GHR: variants seen among roughly 807,000 people sequenced by gnomAD.
GHR encodes the protein GH receptor.
A neutral mutation model predicts 67.1 loss-of-function variants in GHR; 35 were observed. The observed-to-expected ratio is 0.52, with a 90% CI of 0.40 to 0.69. The LOEUF (loss-of-function observed/expected upper bound fraction) is 0.69, where lower values mean the gene tolerates loss of function less well. GHR is among the 30% of genes least tolerant of loss of function. The pLI is 0.00. For synonymous variants in GHR, 272 were observed against 269.1 expected, an observed-to-expected ratio of 1.01 and a Z score of -0.10; for missense variants, 792 against 764.6, an observed-to-expected ratio of 1.04 and a Z score of -0.42.
chr5:42,553,127 T>TA (rs1287186638), intron 1 of GHR, among the ~76,000 whole-genome samples: 3 of 152,210 alleles, frequency 2.0e-5, no homozygotes, highest in African/African-American at 7.2e-5. Context: ...TTCCATAACA[T>TA]ATTACCACAA....
At chr5:42,576,046 T>TTAA (rs1554021367) in intron 2 of GHR, among the ~76,000 whole-genome samples, 1 of 55,892 alleles carries the variant, frequency 1.8e-5, no homozygotes, top group African/African-American at 6.8e-5. Flanking sequence ...AAAATTAAAA[T>TTAA]AATAAAATAA....
chr5:42,641,475 G>T (rs1380028864), intron 3 of GHR, among the ~76,000 whole-genome samples: 1 of 152,104 alleles, frequency 6.6e-6, no homozygotes, highest in Non-Finnish European at 1.5e-5. Flanking sequence ...CTAATGGTTA[G>T]GTGTCCAGGC....
intron 3 of GHR, among the ~76,000 whole-genome samples, chr5:42,662,302 A>G (rs1755684915): frequency 6.6e-6 from 1 of 152,060 alleles, no homozygotes; most frequent in Admixed American, 6.5e-5. Context: ...CAGAATATAC[A>G]TTTTTTTCAG....
intron 1 of GHR, among the ~76,000 whole-genome samples, chr5:42,446,404 T>C (rs1743806868): frequency 6.6e-6 from 1 of 152,172 alleles, no homozygotes; most frequent in African/African-American, 2.4e-5. Flanking sequence ...AGGGAAATGG[T>C]AAGTACTTTA....
chr5:42,463,992 C>CA (rs70991406), intron 1 of GHR, among the ~76,000 whole-genome samples: 853 of 46,356 alleles, frequency 0.018, 24 homozygotes, highest in Middle Eastern at 0.062. Context: ...GACTCCGTCT[C>CA]AAAAAAAAAA....
intron 2 of GHR, among the ~76,000 whole-genome samples, chr5:42,603,497 T>C (rs1485172831): frequency 6.6e-6 from 1 of 152,240 alleles, no homozygotes; most frequent in Non-Finnish European, 1.5e-5. Flanking sequence ...CACTTGATGT[T>C]ATTCCAAAAT....
At chr5:42,589,074 G>T (rs1486148773) in intron 2 of GHR, among the ~76,000 whole-genome samples, 5 of 152,180 alleles carry the variant, frequency 3.3e-5, no homozygotes. Context: ...TCTTAGTGAA[G>T]CCATGTTGAC....
chr5:42,589,246 A>T (rs1023784744), intron 2 of GHR, among the ~76,000 whole-genome samples: 1 of 152,212 alleles, frequency 6.6e-6, no homozygotes, highest in Non-Finnish European at 1.5e-5. Flanking sequence ...AAATCCAAAG[A>T]AATAACCATT....
At chr5:42,483,621 T>G (rs1745753634) in intron 1 of GHR, among the ~76,000 whole-genome samples, 1 of 152,206 alleles carries the variant, frequency 6.6e-6, no homozygotes, top group African/African-American at 2.4e-5. Context: ...AAATGATACC[T>G]AGTTAACACG....
At chr5:42,656,504 CT>C (rs1340705152) in intron 3 of GHR, among the ~76,000 whole-genome samples, 1 of 152,100 alleles carries the variant, frequency 6.6e-6, no homozygotes, top group Non-Finnish European at 1.5e-5. Context: ...TAAAGCCTAT[CT>C]TTGCACTCCT....
intron 1 of GHR, among the ~76,000 whole-genome samples, chr5:42,513,466 T>C (rs1014835731): frequency 9.2e-5 from 14 of 152,146 alleles, no homozygotes; most frequent in African/African-American, 3.1e-4. Context: ...ATATGTCACA[T>C]TGGTTATTTC....
Position 42,639,095 on chromosome 5 carries a change from T to A in GHR, c.136+9992T>A, listed in dbSNP as rs371124279. On this transcript the variant is annotated intron_variant, in intron 3 of 9. Coordinates refer to ENST00000230882, the MANE Select transcript of GHR (RefSeq NM_000163.5). Reference sequence around the variant, plus strand: ...CTCCATCCAATGAAGACTGAACACCTGTAAATGCTTGGTGATGGATGGAAA... The same window carrying A: ...CTCCATCCAATGAAGACTGAACACCAGTAAATGCTTGGTGATGGATGGAAA... Among the ~76,000 whole-genome samples the A allele has an allele frequency of 2.0e-4, 30 of 152,304 alleles. No individual in the cohort carries two copies. The South Asian group carries it at 6.0e-3, about 31-fold the overall frequency.
chr5:42,548,470 G>A (rs1287220923), intron 1 of GHR: 2 of 984,900 alleles, frequency 2.0e-6, no homozygotes, highest in Admixed American at 6.2e-5. Flanking sequence ...TTGATATAAA[G>A]CCTGGAGGAA....
intron 1 of GHR, among the ~76,000 whole-genome samples, chr5:42,499,783 T>G (rs1285013580): frequency 6.6e-6 from 1 of 152,158 alleles, no homozygotes; most frequent in Non-Finnish European, 1.5e-5. Context: ...AATCTTTTTT[T>G]GAGAAGGAGA....
At chr5:42,545,921 C>G (rs1039905316) in intron 1 of GHR, among the ~76,000 whole-genome samples, 1 of 152,120 alleles carries the variant, frequency 6.6e-6, no homozygotes, top group African/African-American at 2.4e-5. Flanking sequence ...TTCTATCTGA[C>G]AAAGATGTGC....
At chr5:42,640,502 G>A (rs1754412640) in intron 3 of GHR, among the ~76,000 whole-genome samples, 3 of 152,052 alleles carry the variant, frequency 2.0e-5, no homozygotes, top group Admixed American at 1.3e-4. Flanking sequence ...ACTCCTGGAA[G>A]AGTAGGACTT....
At chr5:42,436,217 A>G (rs1331398655) in intron 1 of GHR, among the ~76,000 whole-genome samples, 1 of 152,214 alleles carries the variant, frequency 6.6e-6, no homozygotes, top group Non-Finnish European at 1.5e-5. Flanking sequence ...AAGTTAAGTT[A>G]CTTGGCCAGG....
intron 1 of GHR, among the ~76,000 whole-genome samples, chr5:42,427,115 C>T (rs764256894): frequency 2.0e-5 from 3 of 152,224 alleles, no homozygotes; most frequent in Non-Finnish European, 4.4e-5. Flanking sequence ...CTTTTGCCTA[C>T]TCTTGGAGCA....
chr5:42,673,619 C>T (rs1449333066), intron 3 of GHR, among the ~76,000 whole-genome samples: 1 of 152,140 alleles, frequency 6.6e-6, no homozygotes, highest in Non-Finnish European at 1.5e-5. Context: ...ATGTCCTTTG[C>T]AGCAACATGG....
Sources: gnomAD v4.1 joint callset for allele counts (sites outside exome capture counted in the v4.1 genomes callset) on GRCh38, gnomAD v4.1.1 for gene constraint, MANE v1.5 for transcripts, NCBI Gene and HGNC (gene_info 2026-07-23, HGNC 2026-07-21) for gene names.